CDC42BPB: variants seen among roughly 807,000 people sequenced by gnomAD.
CDC42BPB encodes the protein serine/threonine-protein kinase MRCK beta.
A neutral mutation model predicts 214.9 loss-of-function variants in CDC42BPB; 37 were observed. That is an observed-to-expected ratio of 0.17 (90% CI 0.13 to 0.23). The LOEUF is 0.23. Ranked by LOEUF, CDC42BPB falls within the 10% of genes least tolerant of loss-of-function variation. The probability of loss-of-function intolerance (pLI) is 1.00; values close to 1 mark genes in which losing one functional copy is unlikely to be tolerated. For missense variants in CDC42BPB, 1,694 were observed against 2,227.0 expected (o/e 0.76, Z 4.82); for synonymous variants, 931 against 884.0 (o/e 1.05, Z -0.94).
chr14:103,038,341 C>CAA (rs1267070540), intron 1 of CDC42BPB, among the ~76,000 whole-genome samples: 14 of 82,442 alleles, frequency 1.7e-4, no homozygotes, highest in Non-Finnish European at 1.7e-4. Flanking sequence ...GACTCTGTCT[C>CAA]AAAAAAAAAA....
At chr14:102,995,884 G>A (rs1333974738) in intron 5 of CDC42BPB, among the ~76,000 whole-genome samples, 1 of 152,186 alleles carries the variant, frequency 6.6e-6, no homozygotes, top group African/African-American at 2.4e-5. Flanking sequence ...CCTGAGACTG[G>A]GGTAAGACAG....
chr14:102,971,143 T>C (rs34907998), intron 13 of CDC42BPB, among the ~76,000 whole-genome samples: 4 of 152,142 alleles, frequency 2.6e-5, no homozygotes, highest in African/African-American at 7.2e-5. Context: ...CAGAACGGTG[T>C]AGCAAAACGG....
intron 1 of CDC42BPB, among the ~76,000 whole-genome samples, chr14:103,019,879 A>G (rs1165471927): frequency 2.0e-5 from 3 of 152,232 alleles, no homozygotes; most frequent in East Asian, 1.9e-4. Flanking sequence ...GGCAAAATGG[A>G]GCCCAGTGCT....
intron 1 of CDC42BPB, among the ~76,000 whole-genome samples, chr14:103,048,640 G>A (rs546273075): frequency 4.6e-5 from 7 of 151,274 alleles, no homozygotes; most frequent in South Asian, 2.1e-4. Flanking sequence ...CCCAGGAGGC[G>A]GAGCCTGCAG....
Position 102,940,527 on chromosome 14 carries a change from A to G in CDC42BPB, c.4409-203T>C, listed in dbSNP as rs923170184. The G allele has an allele frequency of 1.1e-5, 15 of 1,363,662 alleles. No individual in the cohort carries two copies. In the African/African-American group the frequency reaches 2.2e-4, roughly 20 times the overall value. The allele number at this position is 1,363,662 out of a possible 1,614,324, so 84.5% of individuals were successfully genotyped here. On this transcript the variant is annotated intron_variant, in intron 30 of 36. Coordinates refer to ENST00000361246, the MANE Select transcript of CDC42BPB (RefSeq NM_006035.4). ...TTTAAACAAACACAATCCAATGTTT[A>G]AATGCTCCACAATCACTTCCGTAAC...
At chr14:102,975,286 A>C (rs1189859610) in intron 11 of CDC42BPB, among the ~76,000 whole-genome samples, 1 of 152,128 alleles carries the variant, frequency 6.6e-6, no homozygotes, top group Non-Finnish European at 1.5e-5. Flanking sequence ...CACTTTGGGA[A>C]GCCAAGGCAG....
chr14:103,036,014 G>A (rs2139725299), intron 1 of CDC42BPB, among the ~76,000 whole-genome samples: 1 of 152,124 alleles, frequency 6.6e-6, no homozygotes, highest in East Asian at 1.9e-4. Flanking sequence ...AGCCAAGTGT[G>A]GTGGCACGCA....
rs375923656 is a variant in CDC42BPB, at chr14:102,964,443, C to T, written c.2726+59G>A. On this transcript the variant is annotated intron_variant, in intron 19 of 36. Transcript: ENST00000361246. Reference sequence around the variant, plus strand: ...GCATCGGAGCCCGTGAGGCTCAGGGCGGGCTCGAGGCCACACAGCCACTGC... The same window carrying T: ...GCATCGGAGCCCGTGAGGCTCAGGGTGGGCTCGAGGCCACACAGCCACTGC... The T allele has an allele frequency of 1.1e-5, 17 of 1,588,850 alleles. No individual in the cohort carries two copies. The Admixed American group carries it at 1.5e-4, about 14-fold the overall frequency.
At chr14:103,025,797 ACT>A (rs1595162516) in intron 1 of CDC42BPB, among the ~76,000 whole-genome samples, 1 of 149,066 alleles carries the variant, frequency 6.7e-6, no homozygotes, top group Admixed American at 6.8e-5. Context: ...ACAGAGCGAG[ACT>A]CTGTCTCAAA....
chr14:102,985,304 G>A (rs1024550030), intron 6 of CDC42BPB, among the ~76,000 whole-genome samples: 12 of 148,552 alleles, frequency 8.1e-5, no homozygotes, highest in Admixed American at 2.0e-4. Context: ...GTATGGAGGT[G>A]AGGAGGGTAA....
In CDC42BPB at chr14:102,949,857, T is replaced by C. The variant is rs1169918867; in HGVS notation, c.3357A>G (p.Ala1119=). 4.3e-6 allele frequency: 7 copies of C among 1,613,586 alleles called. No homozygotes were observed. The Admixed American group carries it at 1.0e-4, about 23-fold the overall frequency. ...GVKKGWQRAY[A]VVCDCKLFLY... ...GGAAGAGCTTGCAGTCACAGACGAC[T>C]GCATATGCGCGCTGCCATCCCTTCT... Residue 1119 remains alanine, a synonymous_variant, in exon 26 of 37, where the codon GCA becomes GCG. Transcript: ENST00000361246.
chr14:103,033,980 C>A (rs1887530388), intron 1 of CDC42BPB, among the ~76,000 whole-genome samples: 1 of 152,184 alleles, frequency 6.6e-6, no homozygotes, highest in African/African-American at 2.4e-5. Flanking sequence ...GATAAAACTT[C>A]TGTACGGATT....
At chr14:102,995,571 G>T (rs929345062) in intron 5 of CDC42BPB, among the ~76,000 whole-genome samples, 4 of 152,198 alleles carry the variant, frequency 2.6e-5, no homozygotes, top group African/African-American at 9.6e-5. Context: ...CCACCTGTGA[G>T]GGGCACCCAC....
At chr14:102,936,046 T>C (rs1457463257) in intron 36 of CDC42BPB, among the ~76,000 whole-genome samples, 8 of 151,946 alleles carry the variant, frequency 5.3e-5, no homozygotes, top group Non-Finnish European at 4.4e-5. Context: ...AAAACCACAA[T>C]CAGGTACTAC....
intron 6 of CDC42BPB, among the ~76,000 whole-genome samples, chr14:102,986,118 A>G (rs925822933): frequency 7.0e-5 from 10 of 141,962 alleles, no homozygotes; most frequent in African/African-American, 1.9e-4. Context: ...GTACAGTTAC[A>G]TGGTTAATGC....
chr14:102,964,857 C>T (rs1172517633), intron 18 of CDC42BPB: 3 of 658,458 alleles, frequency 4.6e-6, no homozygotes, highest in Non-Finnish European at 5.6e-6. Flanking sequence ...TAAAAAATAA[C>T]TAAATAATTT....
At position 102,942,870 on chromosome 14, in the gene CDC42BPB, AGTTT is replaced by A. The variant is rs201041279; in HGVS notation, c.4408+1017_4408+1020del. Among the ~76,000 whole-genome samples the A allele has an allele frequency of 6.8e-3, 1,016 of 150,484 alleles. 4 individuals are homozygous for A. The highest frequency in any genetic ancestry group is 9.8e-3 in the Admixed American group (148 of 15,122). ...CAGGCATGTGGCACCGTGCCTGGCT[AGTTT>A]GTTTGTTTGTTTAAGACGGAGTCTC... On this transcript the variant is annotated intron_variant, in intron 30 of 36. Coordinates refer to ENST00000361246, the MANE Select transcript of CDC42BPB (RefSeq NM_006035.4).
intron 5 of CDC42BPB, chr14:102,986,784 A>G: frequency 2.1e-6 from 2 of 955,274 alleles, no homozygotes; most frequent in Non-Finnish European, 1.2e-6. Flanking sequence ...TTTAGTCCCC[A>G]GTTACCCTGG....
chr14:102,987,464 T>G lies in CDC42BPB; in HGVS notation c.597-884A>C, dbSNP rs565264183. ...CAAGCATGTTCCCAGCGGCACCACTTCTAACAGCCAAAAGGCAGAAACAAT... is the reference window on the plus strand; with the variant it reads ...CAAGCATGTTCCCAGCGGCACCACTGCTAACAGCCAAAAGGCAGAAACAAT... On this transcript the variant is annotated intron_variant, in intron 5 of 36. Transcript: ENST00000361246. Among the ~76,000 whole-genome samples the G allele has an allele frequency of 2.0e-5, 3 of 152,268 alleles. No individual in the cohort carries two copies. In the East Asian group the frequency reaches 5.8e-4, roughly 29 times the overall value.
Sources: allele counts gnomAD v4.1 joint callset (sites outside exome capture counted in the v4.1 genomes callset), GRCh38; gene constraint gnomAD v4.1.1; transcripts MANE v1.5; gene names NCBI Gene and HGNC (gene_info 2026-07-23, HGNC 2026-07-21).